CSMD1: variants seen among roughly 807,000 people sequenced by gnomAD.
CSMD1 encodes CUB and Sushi multiple domains 1.
In CSMD1, 213 loss-of-function variants were observed where a neutral mutation model predicts 417.5. The ratio of observed to expected loss-of-function variants is 0.51; its 90% CI spans 0.46 to 0.57. The LOEUF is 0.57. CSMD1 is among the 20% of genes least tolerant of loss of function. CSMD1 has a pLI of 0.00. For synonymous variants in CSMD1, 2,862 were observed against 1,736.8 expected, an observed-to-expected ratio of 1.65 and a Z score of -16.11; for missense variants, 6,923 against 4,529.7, an observed-to-expected ratio of 1.53 and a Z score of -15.17.
chr8:3,327,016 A>G (rs1295331873), intron 23 of CSMD1, among the ~76,000 whole-genome samples: 3 of 151,804 alleles, frequency 2.0e-5, no homozygotes, highest in Non-Finnish European at 4.4e-5. Context: ...ACTCTCCACT[A>G]AAAGGAAAAA....
At chr8:3,637,489 T>G (rs1399914237) in intron 7 of CSMD1, among the ~76,000 whole-genome samples, 1 of 152,220 alleles carries the variant, frequency 6.6e-6, no homozygotes, top group African/African-American at 2.4e-5. Context: ...GAATTGTTCT[T>G]CTTTGACTAT....
At chr8:3,490,285 C>T (rs981871890) in intron 11 of CSMD1, among the ~76,000 whole-genome samples, 6 of 152,136 alleles carry the variant, frequency 3.9e-5, no homozygotes, top group African/African-American at 1.4e-4. Context: ...CAGATTCAAG[C>T]TATTGAGAGA....
chr8:3,586,454 G>C (rs1205598580), intron 8 of CSMD1, among the ~76,000 whole-genome samples, 194 bp from the exon 9 acceptor site: 1 of 152,046 alleles, frequency 6.6e-6, no homozygotes, highest in Non-Finnish European at 1.5e-5. Flanking sequence ...CAAAAGACTT[G>C]GGTTCAGATT....
chr8:4,886,920 A>T (rs1803783350), intron 1 of CSMD1, among the ~76,000 whole-genome samples: 1 of 152,034 alleles, frequency 6.6e-6, no homozygotes, highest in Admixed American at 6.5e-5. Context: ...AGTCGATGTT[A>T]CATAACCAAC....
Position 4,241,660 on chromosome 8 carries a change from A to G in CSMD1, c.415+178293T>C, listed in dbSNP as rs191929887. Among the ~76,000 whole-genome samples, 17 of 151,694 alleles carry G rather than the reference A, an allele frequency of 1.1e-4. No homozygotes were observed. In the East Asian group the frequency reaches 2.3e-3, roughly 21 times the overall value. ...AATGATCAAAATCATTACAAATGGT[A>G]TTTCTTCCATCCAGATAAGAAATGG... is the stretch of plus-strand genomic sequence containing the variant. On this transcript the variant is annotated intron_variant, in intron 3 of 69. Coordinates refer to ENST00000635120, the MANE Select transcript of CSMD1 (RefSeq NM_033225.6).
At chr8:4,356,270 G>T (rs944993386) in intron 3 of CSMD1, among the ~76,000 whole-genome samples, 2 of 152,012 alleles carry the variant, frequency 1.3e-5, no homozygotes, top group Admixed American at 1.3e-4. Flanking sequence ...CCCGGTCACT[G>T]CAAATGCTGT....
At chr8:3,282,423 G>A (rs1802809795) in intron 26 of CSMD1, among the ~76,000 whole-genome samples, 3 of 152,062 alleles carry the variant, frequency 2.0e-5, no homozygotes, top group African/African-American at 7.2e-5. Flanking sequence ...GGAAAGAAGA[G>A]GAAAATGAAC....
chr8:4,564,667 A>G (rs1585256093), intron 2 of CSMD1, among the ~76,000 whole-genome samples: 1 of 152,258 alleles, frequency 6.6e-6, no homozygotes, highest in South Asian at 2.1e-4. Flanking sequence ...AGATAATTCT[A>G]AAGTCTATAG....
At chr8:3,775,389 C>T (rs1265716454) in intron 5 of CSMD1, among the ~76,000 whole-genome samples, 2 of 152,100 alleles carry the variant, frequency 1.3e-5, no homozygotes, top group Admixed American at 6.6e-5. Context: ...GTAACAGGCC[C>T]AGGTACCTGA....
intron 3 of CSMD1, among the ~76,000 whole-genome samples, chr8:4,347,383 A>G (rs1354962440): frequency 1.3e-5 from 2 of 152,184 alleles, no homozygotes; most frequent in East Asian, 1.9e-4. Flanking sequence ...ATTTCTTGGG[A>G]CATCTAAGAC....
At chr8:4,489,300 T>A in intron 2 of CSMD1, among the ~76,000 whole-genome samples, 1 of 152,228 alleles carries the variant, frequency 6.6e-6, no homozygotes, top group African/African-American at 2.4e-5. Context: ...TGGGAAAATG[T>A]CTCAAAGATT....
chr8:4,180,132 GT>G (rs1324723940), intron 3 of CSMD1, among the ~76,000 whole-genome samples: 1 of 152,094 alleles, frequency 6.6e-6, no homozygotes, highest in Non-Finnish European at 1.5e-5. Flanking sequence ...TCACACATAT[GT>G]TTACTGCGGC....
At chr8:3,562,378 A>T (rs77496708) in intron 10 of CSMD1, among the ~76,000 whole-genome samples, 2 of 151,984 alleles carry the variant, frequency 1.3e-5, no homozygotes, top group African/African-American at 4.8e-5. Flanking sequence ...ACACATGCAC[A>T]CACACACACG....
intron 2 of CSMD1, among the ~76,000 whole-genome samples, chr8:4,519,059 G>T (rs1447190935): frequency 6.6e-6 from 1 of 151,942 alleles, no homozygotes; most frequent in African/African-American, 2.4e-5. Context: ...ACATCTTTTA[G>T]AACAAGAGTC....
chr8:4,621,209 C>A (rs1801760827), intron 2 of CSMD1, among the ~76,000 whole-genome samples: 3 of 151,916 alleles, frequency 2.0e-5, no homozygotes, highest in Admixed American at 2.0e-4. Context: ...GGATGAGACC[C>A]AACACTAAAT....
chr8:3,500,252 A>G (rs993759673), intron 10 of CSMD1, among the ~76,000 whole-genome samples: 1 of 152,098 alleles, frequency 6.6e-6, no homozygotes, highest in South Asian at 2.1e-4. Context: ...CCTACTTGTC[A>G]TTTTGGTTCC....
In CSMD1 at chr8:2,971,026, G is replaced by C. The variant is rs140844082; in HGVS notation, c.8923+2091C>G. On this transcript the variant is annotated intron_variant, in intron 57 of 69. Coordinates refer to ENST00000635120, the MANE Select transcript of CSMD1 (RefSeq NM_033225.6). ...AATATGTATTTTCTAAGGTATGTGAGTGTAAGTTACAGACATGACAACTCT... is the reference window on the plus strand; with the variant it reads ...AATATGTATTTTCTAAGGTATGTGACTGTAAGTTACAGACATGACAACTCT... Among the ~76,000 whole-genome samples, 1,278 of 152,200 alleles carry C rather than the reference G, an allele frequency of 8.4e-3. 12 individuals carry two copies. Among genetic ancestry groups the C allele is most frequent in the African/African-American group, 0.029 (1,196 of 41,520 alleles).
intron 1 of CSMD1, among the ~76,000 whole-genome samples, chr8:4,852,962 CATG>C (rs1375664129): frequency 1.3e-5 from 2 of 152,186 alleles, no homozygotes; most frequent in East Asian, 3.9e-4. Context: ...GCAATGCATT[CATG>C]ATGTGGCCTG....
At chr8:3,019,777 C>G (rs1337168153) in intron 51 of CSMD1, among the ~76,000 whole-genome samples, 1 of 152,212 alleles carries the variant, frequency 6.6e-6, no homozygotes, top group Non-Finnish European at 1.5e-5. Flanking sequence ...TACTACACCA[C>G]TGAAATCTCT....
Sources: gnomAD v4.1 joint callset for allele counts (sites outside exome capture counted in the v4.1 genomes callset) on GRCh38, gnomAD v4.1.1 for gene constraint, MANE v1.5 for transcripts, NCBI Gene and HGNC (gene_info 2026-07-23, HGNC 2026-07-21) for gene names.